CCBE1: variants seen among roughly 807,000 people sequenced by gnomAD.
The protein encoded by CCBE1 is collagen and calcium-binding EGF domain-containing protein 1.
In CCBE1, 37 loss-of-function variants were observed where a neutral mutation model predicts 50.0. The ratio of observed to expected loss-of-function variants is 0.74; its 90% CI spans 0.57 to 0.97. CCBE1 has a LOEUF of 0.97. CCBE1 is among the 50% of genes least tolerant of loss of function. The pLI, the probability that CCBE1 is intolerant of heterozygous loss-of-function variation, is 0.00. For synonymous variants in CCBE1, 234 were observed against 203.7 expected (o/e 1.15, Z -1.27); for missense variants, 538 against 523.8 (o/e 1.03, Z -0.26).
chr18:59,618,758 G>A (rs993627219), intron 2 of CCBE1, among the ~76,000 whole-genome samples: 3 of 152,042 alleles, frequency 2.0e-5, no homozygotes, highest in Admixed American at 1.3e-4. Context: ...TAAACCTTGA[G>A]GGCCATTAAA....
At chr18:59,475,987 G>A (rs1912287511) in intron 3 of CCBE1, among the ~76,000 whole-genome samples, 1 of 152,196 alleles carries the variant, frequency 6.6e-6, no homozygotes, top group African/African-American at 2.4e-5. Context: ...CCAAGTGTTG[G>A]GATTACAGGC....
chr18:59,630,123 C>T lies in CCBE1; in HGVS notation c.212+66506G>A, dbSNP rs143229754. Among the ~76,000 whole-genome samples the T allele has an allele frequency of 3.9e-3, 588 of 152,300 alleles. 2 individuals carry two copies. The highest frequency in any genetic ancestry group is 0.01 in the Middle Eastern group (3 of 294). On this transcript the variant is annotated intron_variant, in intron 2 of 10. Coordinates refer to ENST00000439986, the MANE Select transcript of CCBE1 (RefSeq NM_133459.4). ...CCCCTGGGGACCAGTAAACCAGCCACCATGTGCGGCAAAGCTGTGACAAGC... is the reference window on the plus strand; with the variant it reads ...CCCCTGGGGACCAGTAAACCAGCCATCATGTGCGGCAAAGCTGTGACAAGC...
chr18:59,689,788 T>A (rs2054704964), intron 2 of CCBE1, among the ~76,000 whole-genome samples: 1 of 152,114 alleles, frequency 6.6e-6, no homozygotes, highest in African/African-American at 2.4e-5. Context: ...AAATAACACC[T>A]CCTCTTTGTA....
chr18:59,639,784 G>C (rs549990227), intron 2 of CCBE1, among the ~76,000 whole-genome samples: 1 of 152,276 alleles, frequency 6.6e-6, no homozygotes, highest in African/African-American at 2.4e-5. Context: ...GATAAATTCA[G>C]CAAAGTTTCA....
At chr18:59,617,944 T>C (rs917373218) in intron 2 of CCBE1, among the ~76,000 whole-genome samples, 3 of 152,128 alleles carry the variant, frequency 2.0e-5, no homozygotes, top group East Asian at 3.9e-4. Flanking sequence ...ATTCCATACA[T>C]TGACAGCTCG....
intron 5 of CCBE1, among the ~76,000 whole-genome samples, chr18:59,463,160 T>C (rs1042561371): frequency 2.0e-5 from 3 of 152,212 alleles, no homozygotes; most frequent in Admixed American, 2.0e-4. Context: ...TTCTGGGAAC[T>C]TCCTTTTCCT....
At chr18:59,446,822 T>G (rs1443108079) in intron 7 of CCBE1, among the ~76,000 whole-genome samples, 1 of 152,220 alleles carries the variant, frequency 6.6e-6, no homozygotes, top group African/African-American at 2.4e-5. Flanking sequence ...ACTGTTTTAT[T>G]CTATTTGCAT....
At chr18:59,641,709 G>A (rs1382628790) in intron 2 of CCBE1, among the ~76,000 whole-genome samples, 2 of 152,176 alleles carry the variant, frequency 1.3e-5, no homozygotes, top group Non-Finnish European at 2.9e-5. Flanking sequence ...AGAATAGCTT[G>A]ATATTGGTAA....
intron 5 of CCBE1, chr18:59,455,176 G>C: frequency 1.6e-6 from 1 of 639,186 alleles, no homozygotes; most frequent in Non-Finnish European, 2.9e-6. Flanking sequence ...GCTGGGCTCA[G>C]CTGTTCCTAT....
At chr18:59,680,587 A>G (rs927295265) in intron 2 of CCBE1, among the ~76,000 whole-genome samples, 1 of 151,820 alleles carries the variant, frequency 6.6e-6, no homozygotes, top group Non-Finnish European at 1.5e-5. Flanking sequence ...AGTCCCAGCT[A>G]CTGGGGAGGC....
chr18:59,538,268 T>A (rs1449488301), intron 2 of CCBE1, among the ~76,000 whole-genome samples: 1 of 152,226 alleles, frequency 6.6e-6, no homozygotes, highest in Non-Finnish European at 1.5e-5. Context: ...TTCAAAGATA[T>A]GTTCATCTTC....
At chr18:59,450,337 AT>A in intron 6 of CCBE1, among the ~76,000 whole-genome samples, 1 of 152,288 alleles carries the variant, frequency 6.6e-6, no homozygotes, top group African/African-American at 2.4e-5. Context: ...AAATATTCAC[AT>A]TTGATTATCA....
intron 2 of CCBE1, among the ~76,000 whole-genome samples, chr18:59,481,931 A>G (rs1458109151): frequency 1.3e-5 from 2 of 152,204 alleles, no homozygotes; most frequent in East Asian, 3.9e-4. Context: ...ATACATGTGC[A>G]GCGCGTGCAG....
At chr18:59,675,278 G>A (rs879356069) in intron 2 of CCBE1, among the ~76,000 whole-genome samples, 7 of 152,078 alleles carry the variant, frequency 4.6e-5, no homozygotes, top group South Asian at 2.1e-4. Flanking sequence ...AAACTGATTC[G>A]GCAGGAATTT....
chr18:59,436,155 A>T lies in CCBE1; in HGVS notation c.988-14T>A. ...ACCAGGGGGTCCCTGTGTACATGGG[A>T]GGAATCAAAGCTAGAATACGACAGA... is the stretch of plus-strand genomic sequence containing the variant. On this transcript the variant is annotated splice_polypyrimidine_tract_variant and intron_variant, in intron 10 of 10. Transcript: ENST00000439986. The T allele has an allele frequency of 6.2e-7, 1 of 1,612,466 alleles. No homozygotes were observed. The highest frequency in any genetic ancestry group is 8.5e-7 in the Non-Finnish European group (1 of 1,178,584).
rs552516506 is a variant in CCBE1, at chr18:59,572,303, T to C, written c.213-92065A>G. Among the ~76,000 whole-genome samples the C allele has an allele frequency of 5.0e-3, 765 of 152,258 alleles. 1 individual carries two copies. Among genetic ancestry groups the C allele is most frequent in the Middle Eastern group, 0.01 (3 of 294 alleles). The stretch of plus-strand genomic sequence containing the variant: ...CTGTCACAAATTTTATGGGTTTTTT[T>C]CCCCCTTGCCCTGTGAAGCTGGAAC... On this transcript the variant is annotated intron_variant, in intron 2 of 10. Transcript: ENST00000439986.
intron 2 of CCBE1, among the ~76,000 whole-genome samples, chr18:59,618,521 A>G (rs528906409): frequency 2.0e-5 from 3 of 150,350 alleles, no homozygotes; most frequent in African/African-American, 7.4e-5. Context: ...TGCAACCTCC[A>G]TCTCTCAGGT....
chr18:59,671,541 C>T (rs949672765), intron 2 of CCBE1, among the ~76,000 whole-genome samples: 22 of 150,736 alleles, frequency 1.5e-4, no homozygotes, highest in African/African-American at 5.4e-4. Context: ...TAACTGACTT[C>T]TTCTTCAGTC....
intron 2 of CCBE1, among the ~76,000 whole-genome samples, chr18:59,516,240 GTTTT>G (rs71336343): frequency 1.3e-5 from 2 of 148,298 alleles, no homozygotes; most frequent in African/African-American, 2.5e-5. Flanking sequence ...ATTACAGTTT[GTTTT>G]TTTTTTTCTT....
Sources: allele counts gnomAD v4.1 joint callset (sites outside exome capture counted in the v4.1 genomes callset), GRCh38; gene constraint gnomAD v4.1.1; transcripts MANE v1.5; gene names NCBI Gene and HGNC (gene_info 2026-07-23, HGNC 2026-07-21).